PPP6R3: variants seen among roughly 807,000 people sequenced by gnomAD.
The protein encoded by PPP6R3 is serine/threonine-protein phosphatase 6 regulatory subunit 3.
PPP6R3 carries 38 observed loss-of-function variants against 110.7 expected under a neutral mutation model. The ratio of observed to expected loss-of-function variants is 0.34; its 90% CI spans 0.26 to 0.45. The LOEUF (loss-of-function observed/expected upper bound fraction) is 0.45, where lower values mean the gene tolerates loss of function less well. PPP6R3 is among the 20% of genes least tolerant of loss of function. PPP6R3 has a pLI of 1.00. For synonymous variants in PPP6R3, 369 were observed against 373.5 expected, an observed-to-expected ratio of 0.99 and a Z score of 0.14; for missense variants, 870 against 1,062.4, an observed-to-expected ratio of 0.82 and a Z score of 2.52.
intron 1 of PPP6R3, among the ~76,000 whole-genome samples, chr11:68,469,481 C>G (rs1203684065): frequency 6.6e-6 from 1 of 151,762 alleles, no homozygotes; most frequent in African/African-American, 2.4e-5. Flanking sequence ...TGAAACGATT[C>G]TCTCACCTCA....
intron 1 of PPP6R3, among the ~76,000 whole-genome samples, chr11:68,487,322 G>A (rs529573967): frequency 6.6e-5 from 10 of 151,992 alleles, no homozygotes; most frequent in African/African-American, 2.4e-4. Context: ...GGAAGCTGAG[G>A]CGGGCGGATC....
At chr11:68,538,917 C>G (rs142426835) in intron 3 of PPP6R3, among the ~76,000 whole-genome samples, 1 of 152,150 alleles carries the variant, frequency 6.6e-6, no homozygotes, top group Non-Finnish European at 1.5e-5. Flanking sequence ...GTCAGTAGTT[C>G]GAGACCAACC....
At chr11:68,577,807 G>A (rs544286191) in intron 14 of PPP6R3, among the ~76,000 whole-genome samples, 2 of 152,262 alleles carry the variant, frequency 1.3e-5, no homozygotes, top group East Asian at 3.9e-4. Context: ...CTCAGATTGC[G>A]TCTCGGTTCT....
chr11:68,462,237 G>C (rs1375040706), intron 1 of PPP6R3, among the ~76,000 whole-genome samples: 1 of 152,194 alleles, frequency 6.6e-6, no homozygotes, highest in East Asian at 1.9e-4. Context: ...TGGGAAGTCA[G>C]ATGAGCATTT....
intron 1 of PPP6R3, among the ~76,000 whole-genome samples, chr11:68,499,354 T>C (rs1430553727): frequency 1.3e-5 from 2 of 152,154 alleles, no homozygotes; most frequent in African/African-American, 2.4e-5. Context: ...AGGTTCTGGT[T>C]CTGGCTGTTG....
rs1039935720 is a variant in PPP6R3, at chr11:68,612,952, G to T, written c.2571-114G>T. 10 of 1,539,888 alleles carry T rather than the reference G, an allele frequency of 6.5e-6. No homozygotes were observed. In the African/African-American group the frequency reaches 1.4e-4, roughly 21 times the overall value. On this transcript the variant is annotated intron_variant, in intron 23 of 23. Coordinates refer to ENST00000393800, the MANE Select transcript of PPP6R3 (RefSeq NM_001164161.2). ...TATCATTTTATTAAAAACTTACTAA[G>T]TTCAAAACAATGTTAAAATAAGTTG...
chr11:68,500,223 A>G (rs960924360), intron 1 of PPP6R3, among the ~76,000 whole-genome samples: 3 of 152,150 alleles, frequency 2.0e-5, no homozygotes, highest in Admixed American at 6.5e-5. Flanking sequence ...GTTTCATGTG[A>G]TAACTTTTTT....
intron 18 of PPP6R3, among the ~76,000 whole-genome samples, chr11:68,595,200 ATTTTTTTTTTTTTT>A (rs71043443): frequency 0.032 from 2,619 of 81,408 alleles, 58 homozygotes; most frequent in African/African-American, 0.05. Flanking sequence ...CATAAAAATA[ATTTTTTTTTTTTTT>A]TTTTTTTTTT....
intron 1 of PPP6R3, among the ~76,000 whole-genome samples, chr11:68,516,841 C>T (rs1405682031): frequency 2.0e-5 from 3 of 152,154 alleles, no homozygotes; most frequent in Admixed American, 6.5e-5. Context: ...CCAGTTTCTC[C>T]ACATCCTTAT....
At chr11:68,500,398 G>GC (rs2099042235) in intron 1 of PPP6R3, among the ~76,000 whole-genome samples, 1 of 152,060 alleles carries the variant, frequency 6.6e-6, no homozygotes, top group African/African-American at 2.4e-5. Flanking sequence ...GTGTTGTGTA[G>GC]CCTCTGTTTT....
At position 68,542,392 on chromosome 11, in the gene PPP6R3, T is replaced by TTTTTTTTGTTTTG. The variant is rs1406027081; in HGVS notation, c.228-2439_228-2438insGTTTTGTTTTTTT. Among the ~76,000 whole-genome samples, 83 of 99,154 alleles carry TTTTTTTTGTTTTG rather than the reference T, an allele frequency of 8.4e-4. 4 individuals are homozygous for TTTTTTTTGTTTTG. Among genetic ancestry groups the TTTTTTTTGTTTTG allele is most frequent in the African/African-American group, 3.3e-3 (82 of 24,602 alleles). 65.0% of individuals were successfully genotyped at this position (99,154 alleles called of 152,430 possible). ...TTTGGGTGCTTGAGAAGCTGCTGTT[T>TTTTTTTTGTTTTG]TTTTTTTTTTTTTTTTTTTAAGACA... On this transcript the variant is annotated intron_variant, in intron 3 of 23. Transcript: ENST00000393800.
intron 3 of PPP6R3, among the ~76,000 whole-genome samples, chr11:68,540,720 GTGC>G (rs2099310404): frequency 6.6e-6 from 1 of 152,130 alleles, no homozygotes; most frequent in Non-Finnish European, 1.5e-5. Flanking sequence ...CTACCCCCAG[GTGC>G]GCATTCTCTT....
chr11:68,514,749 TA>T (rs2099127675), intron 1 of PPP6R3, among the ~76,000 whole-genome samples: 1 of 152,066 alleles, frequency 6.6e-6, no homozygotes, highest in African/African-American at 2.4e-5. Context: ...CACGCCCAGC[TA>T]ATTTTTGTAT....
chr11:68,478,654 T>TTTTTTTTG lies in PPP6R3; in HGVS notation c.-158+17834_-158+17835insGTTTTTTT, dbSNP rs2098863565. ...AGTTAGTGCACTTGGTAAGTTTTTT[T>TTTTTTTTG]TTTTTTTTTTTTTTTTTTGAGAAGA... On this transcript the variant is annotated intron_variant, in intron 1 of 23. Transcript: ENST00000393800. Among the ~76,000 whole-genome samples the TTTTTTTTG allele has an allele frequency of 2.6e-5, 3 of 114,186 alleles. 1 individual carries two copies. Among genetic ancestry groups the TTTTTTTTG allele is most frequent in the Non-Finnish European group, 5.4e-5 (3 of 56,020 alleles). The allele number at this position is 114,186 out of a possible 152,430, so 74.9% of individuals were successfully genotyped here. A position where few individuals can be genotyped will look rare whatever the true frequency, so the allele number is the denominator to read the frequency against.
chr11:68,608,705 G>C lies in PPP6R3; in HGVS notation c.2451-1199G>C, dbSNP rs75854491. On this transcript the variant is annotated intron_variant, in intron 22 of 23. Transcript: ENST00000393800. ...CGCCACGGGTGCTGTGCCACAGTCA[G>C]TGGGGACAGTGGGTCTCCCCGACTT... Among the ~76,000 whole-genome samples, 1,187 of 152,356 alleles carry C rather than the reference G, an allele frequency of 7.8e-3. 5 individuals carry two copies. The highest frequency in any genetic ancestry group is 0.012 in the Non-Finnish European group (837 of 68,038).
intron 6 of PPP6R3, 70 bp from the exon 7 acceptor site, chr11:68,554,075 C>T (rs766246432): frequency 8.3e-7 from 1 of 1,197,908 alleles, no homozygotes; most frequent in Non-Finnish European, 1.2e-6. Flanking sequence ...ATAACTTTCC[C>T]TTTCATTTTT....
At chr11:68,471,573 G>A (rs2098792505) in intron 1 of PPP6R3, among the ~76,000 whole-genome samples, 1 of 152,150 alleles carries the variant, frequency 6.6e-6, no homozygotes, top group African/African-American at 2.4e-5. Context: ...TGGTGGTGCA[G>A]GAAAAGCCTG....
intron 1 of PPP6R3, among the ~76,000 whole-genome samples, chr11:68,496,182 C>T (rs76270237): frequency 1.4e-5 from 2 of 144,312 alleles, no homozygotes; most frequent in African/African-American, 2.6e-5. Context: ...CTTTTCTTTT[C>T]TTTTTTTTTT....
At chr11:68,570,521 A>AT (rs1404582866) in intron 11 of PPP6R3, among the ~76,000 whole-genome samples, 1 of 152,266 alleles carries the variant, frequency 6.6e-6, no homozygotes, top group African/African-American at 2.4e-5. Flanking sequence ...AGCCCTGCAC[A>AT]TTCCAGTATT....
Sources: allele counts gnomAD v4.1 joint callset (sites outside exome capture counted in the v4.1 genomes callset), GRCh38; gene constraint gnomAD v4.1.1; transcripts MANE v1.5; gene names NCBI Gene and HGNC (gene_info 2026-07-23, HGNC 2026-07-21).